Variants in ATAD2B observed in about 807,000 individuals in gnomAD.
ATAD2B encodes the protein ATPase family AAA domain containing 2B.
Under a neutral mutation model 167.6 loss-of-function variants are expected in ATAD2B, and 40 were observed. The observed-to-expected ratio is 0.24, with a 90% CI of 0.19 to 0.31. The LOEUF (loss-of-function observed/expected upper bound fraction) is 0.31. Ranked by LOEUF, ATAD2B falls within the 10% of genes least tolerant of loss-of-function variation. ATAD2B has a pLI of 1.00. For synonymous variants in ATAD2B, 579 were observed against 596.5 expected (o/e 0.97, Z 0.43); for missense variants, 1,242 against 1,757.2 (o/e 0.71, Z 5.24).
chr2:23,920,076 G>A (rs1386825197), intron 1 of ATAD2B, among the ~76,000 whole-genome samples: 1 of 151,564 alleles, frequency 6.6e-6, no homozygotes, highest in South Asian at 2.1e-4. Flanking sequence ...TCTGGAACCC[G>A]CGAAGCGGAG....
intron 1 of ATAD2B, among the ~76,000 whole-genome samples, chr2:23,925,109 T>C (rs1704524169): frequency 6.6e-6 from 1 of 152,214 alleles, no homozygotes; most frequent in South Asian, 2.1e-4. Context: ...TTAAAATATG[T>C]GATAGCCTCA....
chr2:23,792,268 C>G lies in ATAD2B; in HGVS notation c.2641-3621G>C, dbSNP rs554215007. On this transcript the variant is annotated intron_variant, in intron 19 of 27. Coordinates refer to ENST00000238789, the MANE Select transcript of ATAD2B (RefSeq NM_017552.4). ...TTCACTACGTTGGCCAGGATGGTCT[C>G]GATCTCCTGACCTCGTGATCCACCA... Among the ~76,000 whole-genome samples, 273 of 151,934 alleles carry G rather than the reference C, an allele frequency of 1.8e-3. 1 individual carries two copies. Among genetic ancestry groups the G allele is most frequent in the Non-Finnish European group, 2.5e-3 (172 of 67,930 alleles).
At chr2:23,781,333 A>AAAAAAAAT (rs113935067) in intron 22 of ATAD2B, among the ~76,000 whole-genome samples, 3 of 144,474 alleles carry the variant, frequency 2.1e-5, no homozygotes, top group Admixed American at 1.4e-4. Flanking sequence ...TGACCACAAA[A>AAAAAAAAT]AAATAAATAA....
intron 13 of ATAD2B, among the ~76,000 whole-genome samples, chr2:23,849,130 T>C (rs1692157299): frequency 6.6e-6 from 1 of 152,036 alleles, no homozygotes; most frequent in South Asian, 2.1e-4. Flanking sequence ...TTCAAATATA[T>C]CAATAATTAC....
At chr2:23,692,381 G>C in the ATAD2B span, among the ~76,000 whole-genome samples, 1 of 152,258 alleles carries the variant, frequency 6.6e-6, no homozygotes, top group African/African-American at 2.4e-5. Flanking sequence ...TCCCGGGGGG[G>C]TCGCTGACCC....
At chr2:23,861,440 A>C (rs1694351593) in intron 12 of ATAD2B, among the ~76,000 whole-genome samples, 1 of 151,690 alleles carries the variant, frequency 6.6e-6, no homozygotes, top group Non-Finnish European at 1.5e-5. Context: ...TTTAGTGCAT[A>C]GACCATATCC....
intron 13 of ATAD2B, among the ~76,000 whole-genome samples, chr2:23,841,828 C>T (rs943199389): frequency 6.6e-6 from 1 of 152,158 alleles, no homozygotes; most frequent in Non-Finnish European, 1.5e-5. Flanking sequence ...AAATTCATTC[C>T]TTTTTAAGGC....
chr2:23,862,069 G>A (rs564836323), intron 12 of ATAD2B, among the ~76,000 whole-genome samples: 7 of 152,162 alleles, frequency 4.6e-5, no homozygotes, highest in African/African-American at 1.7e-4. Context: ...GTGTGGTAGT[G>A]CACACCTGTA....
intron 11 of ATAD2B, among the ~76,000 whole-genome samples, chr2:23,864,420 G>T (rs956426255): frequency 1.3e-5 from 2 of 152,084 alleles, no homozygotes; most frequent in African/African-American, 4.8e-5. Context: ...AAATTATCAA[G>T]CTCACTCTAT....
chr2:23,769,709 T>TG (rs144510676), intron 22 of ATAD2B, among the ~76,000 whole-genome samples: 1 of 139,004 alleles, frequency 7.2e-6, no homozygotes, highest in African/African-American at 2.6e-5. Flanking sequence ...TGTCTCACTG[T>TG]GGGTTTTTTT....
rs558975919 is a variant in ATAD2B, at chr2:23,854,024, T to C, written c.1568+3391A>G. 2.6e-5 allele frequency among the ~76,000 whole-genome samples: 4 copies of C among 152,124 alleles called. No individual in the cohort carries two copies. The South Asian group carries it at 8.3e-4, about 32-fold the overall frequency. On this transcript the variant is annotated intron_variant, in intron 13 of 27. Coordinates refer to ENST00000238789, the MANE Select transcript of ATAD2B (RefSeq NM_017552.4). ...ACTTTGGGAGGCCGAAGCAGGAGAA[T>C]CACCTGAGGTCAGAAGTTCGAGACC...
the ATAD2B span, among the ~76,000 whole-genome samples, chr2:23,680,055 G>A: frequency 7.9e-5 from 12 of 152,332 alleles, no homozygotes; most frequent in Non-Finnish European, 1.6e-4. This position sits in a 1 kb window ranked among gnomAD's most constrained non-coding sequence, Gnocchi z 4.1. Flanking sequence ...GGATTTGTGT[G>A]GCCAGTGGCT....
intron 13 of ATAD2B, among the ~76,000 whole-genome samples, chr2:23,837,330 G>A (rs1446477887): frequency 6.6e-6 from 1 of 152,210 alleles, no homozygotes; most frequent in African/African-American, 2.4e-5. Context: ...CAGGGACAGG[G>A]GAAGCCTTCC....
At chr2:23,902,786 C>A (rs1700990359) in intron 1 of ATAD2B, among the ~76,000 whole-genome samples, 1 of 152,092 alleles carries the variant, frequency 6.6e-6, no homozygotes, top group South Asian at 2.1e-4. Flanking sequence ...CTACTTGAGG[C>A]CAAGCACAGT....
At chr2:23,845,085 G>A (rs778177133) in intron 13 of ATAD2B, among the ~76,000 whole-genome samples, 20 of 151,932 alleles carry the variant, frequency 1.3e-4, no homozygotes, top group Admixed American at 3.9e-4. Context: ...TTTAAAGCAC[G>A]GAAAGAAAAA....
intron 17 of ATAD2B, among the ~76,000 whole-genome samples, chr2:23,817,693 A>G: frequency 6.6e-6 from 1 of 152,252 alleles, no homozygotes; most frequent in East Asian, 1.9e-4. Context: ...TGGGTAGGTG[A>G]ATAAAGAAAT....
rs527584455 is a variant in ATAD2B, at chr2:23,767,120, C to T, written c.3134-1492G>A. Among the ~76,000 whole-genome samples, 9 of 152,264 alleles carry T rather than the reference C, an allele frequency of 5.9e-5. No homozygotes were observed. In the East Asian group the frequency reaches 1.7e-3, roughly 29 times the overall value. On this transcript the variant is annotated intron_variant, in intron 22 of 27. Transcript: ENST00000238789. The stretch of plus-strand genomic sequence containing the variant: ...AAACTTAACTTCCTCGTAAAGCAAC[C>T]TTTTTCGATTACCTGCTCTACCCTG...
Position 23,837,370 on chromosome 2 carries a change from C to T in ATAD2B, c.1569-3292G>A, listed in dbSNP as rs116516432. On this transcript the variant is annotated intron_variant, in intron 13 of 27. Coordinates refer to ENST00000238789, the MANE Select transcript of ATAD2B (RefSeq NM_017552.4). ...CCCCCCAGAGTGCAGGAATGCCAGG[C>T]TCCACAGCCATGACTTGGGCAGCTG... Among the ~76,000 whole-genome samples the T allele has an allele frequency of 3.2e-3, 484 of 152,298 alleles. 2 individuals carry two copies. The highest frequency in any genetic ancestry group is 0.011 in the African/African-American group (441 of 41,562).
chr2:23,804,757 A>G (rs1042187760), intron 18 of ATAD2B, among the ~76,000 whole-genome samples: 3 of 152,138 alleles, frequency 2.0e-5, no homozygotes, highest in African/African-American at 7.2e-5. Flanking sequence ...CTTAAATAAC[A>G]TTAAACCAGT....
Sources: allele counts gnomAD v4.1 joint callset (sites outside exome capture counted in the v4.1 genomes callset), GRCh38; gene constraint gnomAD v4.1.1; non-coding constraint Gnocchi (gnomAD v3.1); transcripts MANE v1.5; gene names NCBI Gene and HGNC (gene_info 2026-07-23, HGNC 2026-07-21).